The following AGBL4 variants were observed in gnomAD, a reference collection of about 807,000 sequenced individuals.
AGBL4 encodes the protein cytosolic carboxypeptidase 6.
AGBL4 carries 58 observed loss-of-function variants against 66.4 expected under a neutral mutation model. The ratio of observed to expected loss-of-function variants is 0.87; its 90% CI spans 0.71 to 1.09. The LOEUF is 1.09. AGBL4 is among the 50% of genes least tolerant of loss of function. AGBL4 has a pLI of 0.00. For synonymous variants in AGBL4, 234 were observed against 222.9 expected, an observed-to-expected ratio of 1.05 and a Z score of -0.44; for missense variants, 579 against 631.0, an observed-to-expected ratio of 0.92 and a Z score of 0.88.
rs542801838 is a variant in AGBL4 at position 49,657,341 on chromosome 1, C to A, written c.282+39972G>T. 1.3e-3 allele frequency among the ~76,000 whole-genome samples: 199 copies of A among 152,262 alleles called. 1 individual carries two copies. Among genetic ancestry groups the A allele is most frequent in the African/African-American group, 4.1e-3 (172 of 41,550 alleles). ...CTTCAAGGAGAACTACAAACCACTG[C>A]TCAAGGAAATAAGAGAGGACACAAA... On this transcript the variant is annotated intron_variant, in intron 3 of 13. Coordinates refer to ENST00000371839, the MANE Select transcript of AGBL4 (RefSeq NM_032785.4).
chr1:49,397,017 A>G (rs1477997127), intron 3 of AGBL4, among the ~76,000 whole-genome samples: 1 of 152,182 alleles, frequency 6.6e-6, no homozygotes, highest in Non-Finnish European at 1.5e-5. Context: ...GATCCCTCGC[A>G]TGCACAGTTC....
chr1:50,013,712 T>C (rs1661721916), intron 1 of AGBL4, among the ~76,000 whole-genome samples: 1 of 152,224 alleles, frequency 6.6e-6, no homozygotes, highest in Non-Finnish European at 1.5e-5. Flanking sequence ...AATATGTTTA[T>C]GACACAGGGT....
intron 3 of AGBL4, among the ~76,000 whole-genome samples, chr1:49,410,912 T>A (rs1645301995): frequency 6.6e-6 from 1 of 152,162 alleles, no homozygotes; most frequent in African/African-American, 2.4e-5. Flanking sequence ...ACTAAGGGCT[T>A]TATAGTGAGT....
At chr1:49,328,490 T>C (rs1440343013) in intron 3 of AGBL4, among the ~76,000 whole-genome samples, 1 of 151,958 alleles carries the variant, frequency 6.6e-6, no homozygotes, top group Non-Finnish European at 1.5e-5. Flanking sequence ...CTTTTATTAA[T>C]GGGGTCTAGT....
At chr1:48,984,019 C>T (rs1362149552) in intron 5 of AGBL4, among the ~76,000 whole-genome samples, 1 of 151,956 alleles carries the variant, frequency 6.6e-6, no homozygotes, top group Non-Finnish European at 1.5e-5. Flanking sequence ...TAAGGCATGC[C>T]AGGAGAGAAG....
intron 2 of AGBL4, among the ~76,000 whole-genome samples, chr1:49,763,751 T>C (rs1212404755): frequency 6.6e-6 from 1 of 152,134 alleles, no homozygotes; most frequent in Admixed American, 6.5e-5. Flanking sequence ...CCTGGTGTCT[T>C]TCTAGGGACA....
At chr1:49,639,963 T>C (rs1645749613) in intron 3 of AGBL4, among the ~76,000 whole-genome samples, 2 of 152,118 alleles carry the variant, frequency 1.3e-5, no homozygotes, top group African/African-American at 4.8e-5. Context: ...TATGAAAAGA[T>C]GTCAGTTTTC....
At chr1:49,998,186 TAGTG>T (rs1391278152) in intron 1 of AGBL4, among the ~76,000 whole-genome samples, 7 of 151,724 alleles carry the variant, frequency 4.6e-5, no homozygotes, top group Non-Finnish European at 8.8e-5. Context: ...AATTGATTAT[TAGTG>T]AGATTAACCA....
At position 48,590,937 on chromosome 1, in the gene AGBL4, T is replaced by C. The variant is rs757088565; in HGVS notation, c.1000A>G (p.Met334Val). The C allele has an allele frequency of 3.4e-5, 54 of 1,610,766 alleles. No individual in the cohort carries two copies. The Admixed American group carries it at 8.9e-4, about 27-fold the overall frequency. The change falls in exon 10 of 14, where the codon ATG becomes GTG. Residue 334 changes from methionine to valine, a missense_variant. Transcript: ENST00000371839. ...ATGTTGCCATACATGAAGCCATTCA[T>C]CATGGTGGAGTGGGCATGGATGTCA... is the stretch of plus-strand genomic sequence containing the variant. The part of the protein sequence containing the change: ...YIDIHAHSTM[M>V]NGFMYGNIFE...
At chr1:48,976,704 C>T (rs527359452) in intron 5 of AGBL4, among the ~76,000 whole-genome samples, 10 of 152,168 alleles carry the variant, frequency 6.6e-5, no homozygotes, top group South Asian at 2.1e-4. Flanking sequence ...AAGCATGCAT[C>T]TACCTCTGGA....
chr1:48,881,169 C>T (rs1486878893), intron 5 of AGBL4, among the ~76,000 whole-genome samples: 1 of 151,970 alleles, frequency 6.6e-6, no homozygotes, highest in African/African-American at 2.4e-5. Context: ...CATTGATTTC[C>T]AGTAGGATCA....
At chr1:49,331,888 A>G (rs1645342295) in intron 3 of AGBL4, among the ~76,000 whole-genome samples, 1 of 152,000 alleles carries the variant, frequency 6.6e-6, no homozygotes, top group South Asian at 2.1e-4. Context: ...ACCCTTACCC[A>G]TATTCTAGAC....
intron 5 of AGBL4, among the ~76,000 whole-genome samples, chr1:48,946,909 G>A (rs944284742): frequency 1.3e-5 from 2 of 152,204 alleles, no homozygotes; most frequent in South Asian, 2.1e-4. Flanking sequence ...AGGCAGAGGA[G>A]ACAGGCCAAC....
At chr1:49,089,551 G>A (rs1644966840) in intron 4 of AGBL4, among the ~76,000 whole-genome samples, 1 of 152,048 alleles carries the variant, frequency 6.6e-6, no homozygotes, top group Non-Finnish European at 1.5e-5. Flanking sequence ...CAAGGAAGAA[G>A]CTGAATCTCT....
intron 3 of AGBL4, among the ~76,000 whole-genome samples, chr1:49,362,251 C>T (rs1232293293): frequency 1.3e-5 from 2 of 152,066 alleles, no homozygotes; most frequent in Non-Finnish European, 2.9e-5. Flanking sequence ...GAGAACCCCA[C>T]ACAACTAGTA....
intron 5 of AGBL4, among the ~76,000 whole-genome samples, chr1:49,022,697 T>C (rs776982278): frequency 7.2e-5 from 11 of 152,258 alleles, no homozygotes; most frequent in South Asian, 4.1e-4. Context: ...TTACTCTTCT[T>C]GGCAAAATAG....
At chr1:49,046,465 T>C (rs1038198638) in intron 4 of AGBL4, among the ~76,000 whole-genome samples, 1 of 152,208 alleles carries the variant, frequency 6.6e-6, no homozygotes, top group Non-Finnish European at 1.5e-5. Context: ...CTTTGGGAAA[T>C]AGTGCTTTAA....
intron 6 of AGBL4, among the ~76,000 whole-genome samples, chr1:48,665,818 GA>G (rs1646177756): frequency 6.6e-6 from 1 of 152,124 alleles, no homozygotes; most frequent in Non-Finnish European, 1.5e-5. Flanking sequence ...GTCTAACACT[GA>G]CCCCATCTTC....
intron 3 of AGBL4, among the ~76,000 whole-genome samples, chr1:49,315,171 T>C (rs1001320160): frequency 4.6e-5 from 7 of 152,186 alleles, no homozygotes; most frequent in African/African-American, 1.7e-4. Flanking sequence ...TAAATGGTGT[T>C]GGGAAAACTG....
Sources: allele counts gnomAD v4.1 joint callset (sites outside exome capture counted in the v4.1 genomes callset), GRCh38; gene constraint gnomAD v4.1.1; transcripts MANE v1.5; gene names NCBI Gene and HGNC (gene_info 2026-07-23, HGNC 2026-07-21).